BPIFA2: variants seen among roughly 807,000 people sequenced by gnomAD.
BPIFA2 encodes BPI fold-containing family A member 2.
Under a neutral mutation model 25.7 loss-of-function variants are expected in BPIFA2, and 20 were observed. The observed-to-expected ratio is 0.78, with a 90% CI of 0.55 to 1.13. BPIFA2 has a LOEUF of 1.13. Ranked by LOEUF, BPIFA2 falls within the 50% of genes most tolerant of loss-of-function variation. The pLI is 0.00. For synonymous variants in BPIFA2, 126 were observed against 124.3 expected (o/e 1.01, Z -0.09); for missense variants, 300 against 298.1 (o/e 1.01, Z -0.05).
upstream of BPIFA2, among the ~76,000 whole-genome samples, chr20:33,166,413 A>G (rs117931833): frequency 0.063 from 9,537 of 152,280 alleles, 428 homozygotes; most frequent in Middle Eastern, 0.1. Context: ...CCATATGCGC[A>G]CATATTCATC....
intron 4 of BPIFA2, among the ~76,000 whole-genome samples, chr20:33,175,128 C>T (rs979570577): frequency 1.3e-5 from 2 of 152,128 alleles, no homozygotes; most frequent in African/African-American, 4.8e-5. Flanking sequence ...AGTACCTACA[C>T]ATAAATTGTT....
Position 33,169,182 on chromosome 20 carries a change from G to A in BPIFA2, c.37G>A (p.Val13Met), listed in dbSNP as rs746002310. Residue 13 changes from valine (V) to methionine (M), a missense_variant, in exon 2 of 9, where the codon GTG becomes ATG. Val to Met is a conservative substitution (Grantham distance 21). Coordinates refer to ENST00000354932, the MANE Select transcript of BPIFA2 (RefSeq NM_080574.4). ...TTGGAAACTTGTTCTCCTGTGCGGC[G>A]TGCTCACTGGGACCTCAGAGTCTCT... ...QLWKLVLLCGVLTGTSESLLD... is the reference protein window; with the variant it reads ...QLWKLVLLCGMLTGTSESLLD... The A allele has an allele frequency of 3.4e-5, 55 of 1,613,956 alleles. No homozygotes were observed. The highest frequency in any genetic ancestry group is 6.7e-5 in the Admixed American group (4 of 59,988).
chr20:33,162,753 G>C (rs1456520785), intron 1 of BPIFA2, among the ~76,000 whole-genome samples: 1 of 152,154 alleles, frequency 6.6e-6, no homozygotes, highest in Non-Finnish European at 1.5e-5. Context: ...GTTACCCAAA[G>C]CCCCTGCAAG....
rs1267673085 is a variant in BPIFA2, at chr20:33,161,861, T to G, written c.-53T>G. 1.3e-5 allele frequency: 2 copies of G among 152,248 alleles called. 1 individual carries two copies. The highest frequency in any genetic ancestry group is 4.2e-4 in the South Asian group (2 of 4,814). 9.4% of individuals were successfully genotyped at this position (152,248 alleles called of 1,614,324 possible). On this transcript the variant is annotated 5_prime_UTR_variant, in exon 1 of 9. Transcript: ENST00000253362. Reference sequence around the variant, plus strand: ...ATTCTGCGAGGCCAGAGAGGAGGCTTTGGGAATTGTCCAGCAGAAACAGAG... The same window carrying G: ...ATTCTGCGAGGCCAGAGAGGAGGCTGTGGGAATTGTCCAGCAGAAACAGAG...
upstream of BPIFA2, among the ~76,000 whole-genome samples, chr20:33,166,490 G>A (rs972444243): frequency 5.9e-5 from 9 of 152,154 alleles, no homozygotes; most frequent in Non-Finnish European, 1.2e-4. Context: ...AGCCTTCATG[G>A]GTATTACACT....
At chr20:33,171,902 G>A (rs1161828839) in intron 2 of BPIFA2, among the ~76,000 whole-genome samples, 3 of 152,066 alleles carry the variant, frequency 2.0e-5, no homozygotes, top group Admixed American at 6.6e-5. Context: ...ATCCCCAGAG[G>A]AATATAAAAC....
upstream of BPIFA2, among the ~76,000 whole-genome samples, chr20:33,163,949 C>T (rs138259352): frequency 6.6e-6 from 1 of 152,234 alleles, no homozygotes; most frequent in African/African-American, 2.4e-5. Context: ...GCCTCAGTTT[C>T]CTTGTTTATA....
Position 33,179,792 on chromosome 20 carries a change from G to A in BPIFA2, c.709+125G>A, listed in dbSNP as rs1984211863. ...ACCCACTGTCCTAAGCAAATTGGGA[G>A]CCATGGCTTCCCCTCCACAGGCACC... On this transcript the variant is annotated intron_variant, in intron 7 of 8. Transcript: ENST00000354932. 6 of 990,822 alleles carry A rather than the reference G, an allele frequency of 6.1e-6. No homozygotes were observed. The South Asian group carries it at 6.9e-5, about 11-fold the overall frequency. The allele number at this position is 990,822 out of a possible 1,614,324, so 61.4% of individuals were successfully genotyped here. A position where few individuals can be genotyped will look rare whatever the true frequency, so the allele number is the denominator to read the frequency against.
chr20:33,181,250 C>T lies in BPIFA2; in HGVS notation c.*64C>T, dbSNP rs1568611304. 6.6e-6 allele frequency: 1 copy of T among 152,368 alleles called. No individual in the cohort carries two copies. Among genetic ancestry groups the T allele is most frequent in the Non-Finnish European group, 1.5e-5 (1 of 68,176 alleles). The allele number at this position is 152,368 out of a possible 1,614,324, so 9.4% of individuals were successfully genotyped here. On this transcript the variant is annotated 3_prime_UTR_variant, in exon 9 of 9. Transcript: ENST00000354932. ...TTGGTTCCCAGTGGCTTGCCCCACCCCCTTATAGCATCTCCCTCCAGGAAG... is the reference window on the plus strand; with the variant it reads ...TTGGTTCCCAGTGGCTTGCCCCACCTCCTTATAGCATCTCCCTCCAGGAAG...
intron 7 of BPIFA2, 146 bp from the exon 8 acceptor site, chr20:33,180,374 A>G: frequency 1.2e-6 from 1 of 840,210 alleles, no homozygotes; most frequent in Non-Finnish European, 2.0e-6. Flanking sequence ...ACAGATGAAC[A>G]AACTGAAGCT....
At chr20:33,167,884 TCACC>T (rs1463738059), upstream of BPIFA2, among the ~76,000 whole-genome samples, 2 of 152,174 alleles carry the variant, frequency 1.3e-5, no homozygotes, top group Admixed American at 6.5e-5. Flanking sequence ...CTCCCAGTCC[TCACC>T]CACAAGGACC....
chr20:33,175,627 GTCC>G, intron 5 of BPIFA2, 68 bp downstream of exon 5: 1 of 1,532,012 alleles, frequency 6.5e-7, no homozygotes, highest in Non-Finnish European at 8.9e-7. Flanking sequence ...TTCAGCTCTA[GTCC>G]TCTACCTAAG....
intron 5 of BPIFA2, among the ~76,000 whole-genome samples, chr20:33,177,608 C>T (rs951477898): frequency 6.6e-6 from 1 of 152,180 alleles, no homozygotes; most frequent in African/African-American, 2.4e-5. Flanking sequence ...GTAAAGAACG[C>T]TCCAGGGAAA....
intron 6 of BPIFA2, among the ~76,000 whole-genome samples, chr20:33,178,849 T>C (rs1260870787): frequency 6.6e-6 from 1 of 152,130 alleles, no homozygotes; most frequent in Admixed American, 6.5e-5. Context: ...GGGTGCTTGA[T>C]AGGAATGCGG....
intron 4 of BPIFA2, 67 bp downstream of exon 4, chr20:33,174,253 G>A: frequency 1.4e-6 from 2 of 1,430,766 alleles, no homozygotes; most frequent in Non-Finnish European, 2.0e-6. Flanking sequence ...TGCCCAACCT[G>A]GGAATCGGGC....
At chr20:33,168,474 G>C (rs1234131845) in intron 1 of BPIFA2, among the ~76,000 whole-genome samples, 1 of 152,086 alleles carries the variant, frequency 6.6e-6, no homozygotes, top group Non-Finnish European at 1.5e-5. Flanking sequence ...AGTAAATTTA[G>C]AGATCTATAG....
intron 7 of BPIFA2, 116 bp downstream of exon 7, chr20:33,179,783 A>T: frequency 9.3e-7 from 1 of 1,075,758 alleles, no homozygotes; most frequent in Non-Finnish European, 1.4e-6. Flanking sequence ...TGTCCTAAGC[A>T]AATTGGGAGC....
intron 2 of BPIFA2, among the ~76,000 whole-genome samples, chr20:33,172,198 T>C (rs1983917611): frequency 6.9e-6 from 1 of 144,656 alleles, no homozygotes; most frequent in East Asian, 2.0e-4. Flanking sequence ...TGAGAACACA[T>C]GGATGCAGGG....
At chr20:33,169,918 T>A (rs1331032457) in intron 2 of BPIFA2, among the ~76,000 whole-genome samples, 1 of 152,210 alleles carries the variant, frequency 6.6e-6, no homozygotes, top group Non-Finnish European at 1.5e-5. Flanking sequence ...ACCTTTATAT[T>A]TATTTATACC....
Sources: gnomAD v4.1 joint callset for allele counts (sites outside exome capture counted in the v4.1 genomes callset) on GRCh38, gnomAD v4.1.1 for gene constraint, MANE v1.5 for transcripts, NCBI Gene and HGNC (gene_info 2026-07-23, HGNC 2026-07-21) for gene names.